The following PHLDA3 variants were observed in gnomAD, a reference collection of about 807,000 sequenced individuals.
PHLDA3 encodes the protein pleckstrin homology-like domain family A member 3.
PHLDA3 carries 12 observed loss-of-function variants against 7.6 expected under a neutral mutation model. The observed-to-expected ratio is 1.58, with a 90% CI of 1.01 to 2.55. The LOEUF (loss-of-function observed/expected upper bound fraction) is 2.55. PHLDA3 is among the 30% of genes most tolerant of loss of function. PHLDA3 has a pLI of 0.00. For missense variants in PHLDA3, 177 were observed against 175.6 expected, an observed-to-expected ratio of 1.01 and a Z score of -0.05; for synonymous variants, 104 against 85.1, an observed-to-expected ratio of 1.22 and a Z score of -1.23.
Position 201,465,373 on chromosome 1 carries a change from T to A in PHLDA3, c.*868A>T, listed in dbSNP as rs1451956135. On this transcript the variant is annotated 3_prime_UTR_variant, in exon 2 of 2. Transcript: ENST00000367311. The stretch of plus-strand genomic sequence containing the variant: ...AAGGCCCTGTCTACTGGGGTTTTAG[T>A]GTCTCTGCCTATCCAGGCTGGAGAC... 1 of 152,656 alleles carries A rather than the reference T, an allele frequency of 6.6e-6. No individual in the cohort carries two copies. The highest frequency in any genetic ancestry group is 1.9e-4 in the East Asian group (1 of 5,188). The allele number at this position is 152,656 out of a possible 1,614,324, so 9.5% of individuals were successfully genotyped here.
At chr1:201,467,801 T>C (rs1663707509) in intron 1 of PHLDA3, among the ~76,000 whole-genome samples, 1 of 152,212 alleles carries the variant, frequency 6.6e-6, no homozygotes, top group Non-Finnish European at 1.5e-5. Flanking sequence ...TTTGCAACCC[T>C]TGATGGTGCC....
chr1:201,464,745 G>T lies in PHLDA3; in HGVS notation c.*1496C>A. The T allele has an allele frequency of 6.6e-6, 1 of 152,356 alleles. No individual in the cohort carries two copies. The allele number at this position is 152,356 out of a possible 1,614,324, so 9.4% of individuals were successfully genotyped here. On this transcript the variant is annotated 3_prime_UTR_variant, in exon 2 of 2. Transcript: ENST00000367311. The stretch of plus-strand genomic sequence containing the variant: ...GCTGGCCACAGCCTGGAAAGGTCCA[G>T]GGTTACCCAATCAAGTTTCTGTACA...
chr1:201,468,235 CCCT>C (rs1241056359), intron 1 of PHLDA3, 103 bp downstream of exon 1: 1 of 845,064 alleles, frequency 1.2e-6, no homozygotes, highest in African/African-American at 1.7e-5. Context: ...GGAACCTCCC[CCCT>C]AAGATGTCCG....
rs971218138 is a variant in PHLDA3, at chr1:201,466,166, G to A, written c.*75C>T. ...CACAGCCGTGCCCCCACAAGCCAGAGGGAACAACGAAGCTGGCAAGAAAGA... is the reference window on the plus strand; with the variant it reads ...CACAGCCGTGCCCCCACAAGCCAGAAGGAACAACGAAGCTGGCAAGAAAGA... On this transcript the variant is annotated 3_prime_UTR_variant, in exon 2 of 2. Transcript: ENST00000367311. 1.9e-5 allele frequency: 3 copies of A among 154,438 alleles called. No homozygotes were observed. Among genetic ancestry groups the A allele is most frequent in the African/African-American group, 7.2e-5 (3 of 41,522 alleles). The allele number at this position is 154,438 out of a possible 1,614,324, so 9.6% of individuals were successfully genotyped here. A position where few individuals can be genotyped will look rare whatever the true frequency, so the allele number is the denominator to read the frequency against.
At position 201,468,671 on chromosome 1, in the gene PHLDA3, T is replaced by C; in HGVS notation, c.116A>G (p.Gln39Arg). Residue 39 changes from glutamine (Q) to arginine (R), a missense_variant, in exon 1 of 2, where the codon CAG becomes CGG. Coordinates refer to ENST00000367311, the MANE Select transcript of PHLDA3 (RefSeq NM_012396.5). ...GCCCGTGCCCTTGGCCTCGAAGAGC[T>C]GCAGCCCGCGTTCGGTGAGGACGCA... ...KRCVLTERGL[Q>R]LFEAKGTGGR... 3 of 1,612,448 alleles carry C rather than the reference T, an allele frequency of 1.9e-6. No homozygotes were observed. Among genetic ancestry groups the C allele is most frequent in the Non-Finnish European group, 2.5e-6 (3 of 1,179,786 alleles).
intron 1 of PHLDA3, among the ~76,000 whole-genome samples, chr1:201,467,887 G>T (rs781257653): frequency 6.6e-6 from 1 of 152,210 alleles, no homozygotes; most frequent in Non-Finnish European, 1.5e-5. Flanking sequence ...AACCTAGAGG[G>T]AAAGAGGGTC....
At chr1:201,467,221 C>T (rs920237724) in intron 1 of PHLDA3, among the ~76,000 whole-genome samples, 3 of 151,884 alleles carry the variant, frequency 2.0e-5, no homozygotes, top group African/African-American at 4.8e-5. Flanking sequence ...GTGGGAGGAT[C>T]GCTTGAGCCC....
In PHLDA3 at chr1:201,469,139, G is replaced by T. The variant is rs1186526888; in HGVS notation, c.-353C>A. 5 of 234,732 alleles carry T rather than the reference G, an allele frequency of 2.1e-5. No individual in the cohort carries two copies. In the Admixed American group the frequency reaches 2.3e-4, roughly 11 times the overall value. 14.5% of individuals were successfully genotyped at this position (234,732 alleles called of 1,614,324 possible). On this transcript the variant is annotated 5_prime_UTR_variant, in exon 1 of 2. Transcript: ENST00000367311. Reference sequence around the variant, plus strand: ...TTGCTCCCCTGGGCTCTGTCTGCGCGCTGGGCGGCAGCTCGCGGGATGTGC... The same window carrying T: ...TTGCTCCCCTGGGCTCTGTCTGCGCTCTGGGCGGCAGCTCGCGGGATGTGC...
In PHLDA3 at chr1:201,468,585, C is replaced by A; in HGVS notation, c.202G>T (p.Gly68Trp). The A allele has an allele frequency of 1.2e-6, 2 of 1,613,908 alleles. No homozygotes were observed. The highest frequency in any genetic ancestry group is 1.7e-6 in the Non-Finnish European group (2 of 1,180,022). ...IKAVECVESTGRHIYFTLVTE... is the reference protein window; with the variant it reads ...IKAVECVESTWRHIYFTLVTE... The stretch of plus-strand genomic sequence containing the variant: ...ACCAGCGTGAAGTAGATGTGGCGCC[C>A]GGTGCTCTCCACGCACTCCACGGCC... The change falls in exon 1 of 2, where the codon GGG (glycine) becomes TGG (tryptophan). Residue 68 changes from glycine (G) to tryptophan (W), a missense_variant. Transcript: ENST00000367311.
rs114542426 is a variant in PHLDA3, at chr1:201,467,973, C to T, written c.*62+368G>A. On this transcript the variant is annotated intron_variant, in intron 1 of 1. Transcript: ENST00000367311. ...GCCGAAGTCCAGGAGCCCTGCTCTGCGTGGAAAGCAGAGGCCCACAGCCTG... is the reference window on the plus strand; with the variant it reads ...GCCGAAGTCCAGGAGCCCTGCTCTGTGTGGAAAGCAGAGGCCCACAGCCTG... Among the ~76,000 whole-genome samples the T allele has an allele frequency of 4.6e-3, 701 of 152,362 alleles. 4 individuals carry two copies. Among genetic ancestry groups the T allele is most frequent in the Non-Finnish European group, 7.8e-3 (534 of 68,038 alleles).
intron 1 of PHLDA3, chr1:201,467,525 T>C: frequency 6.6e-6 from 1 of 152,304 alleles, no homozygotes; most frequent in Non-Finnish European, 1.5e-5. Flanking sequence ...GCAGGAGATT[T>C]GCTTGAGCCC....
chr1:201,468,856 A>G lies in PHLDA3; in HGVS notation c.-70T>C. ...GGCGCCCCTCTCGGCCCCGCAGCGC[A>G]GGATTCTGGCGCCCCGGGCTGGCAG... On this transcript the variant is annotated 5_prime_UTR_variant, in exon 1 of 2. Coordinates refer to ENST00000367311, the MANE Select transcript of PHLDA3 (RefSeq NM_012396.5). 1 of 1,400,492 alleles carries G rather than the reference A, an allele frequency of 7.1e-7. No homozygotes were observed. Among genetic ancestry groups the G allele is most frequent in the Non-Finnish European group, 9.2e-7 (1 of 1,087,396 alleles). The allele number at this position is 1,400,492 out of a possible 1,614,324, so 86.8% of individuals were successfully genotyped here.
chr1:201,466,545 G>A (rs1663670288), intron 1 of PHLDA3: 1 of 152,164 alleles, frequency 6.6e-6, no homozygotes, highest in Non-Finnish European at 1.5e-5. Flanking sequence ...CGCCTAGGAG[G>A]TGGTAGTGGG....
chr1:201,468,877 G>C lies in PHLDA3; in HGVS notation c.-91C>G. ...GCGCAGGATTCTGGCGCCCCGGGCT[G>C]GCAGGCCGTGCGCGCTGCCCACCTG... On this transcript the variant is annotated 5_prime_UTR_variant, in exon 1 of 2. Coordinates refer to ENST00000367311, the MANE Select transcript of PHLDA3 (RefSeq NM_012396.5). The C allele has an allele frequency of 1.5e-6, 2 of 1,334,012 alleles. No homozygotes were observed. The highest frequency in any genetic ancestry group is 3.4e-5 in the South Asian group (2 of 58,092). 82.6% of individuals were successfully genotyped at this position (1,334,012 alleles called of 1,614,324 possible). A position where few individuals can be genotyped will look rare whatever the true frequency, so the allele number is the denominator to read the frequency against.
rs114542426 is a variant in PHLDA3 at position 201,467,973 on chromosome 1, C to A, written c.*62+368G>T. Among the ~76,000 whole-genome samples the A allele has an allele frequency of 2.0e-5, 3 of 152,244 alleles. No individual in the cohort carries two copies. The East Asian group carries it at 5.8e-4, about 29-fold the overall frequency. On this transcript the variant is annotated intron_variant, in intron 1 of 1. Coordinates refer to ENST00000367311, the MANE Select transcript of PHLDA3 (RefSeq NM_012396.5). ...GCCGAAGTCCAGGAGCCCTGCTCTG[C>A]GTGGAAAGCAGAGGCCCACAGCCTG... is the stretch of plus-strand genomic sequence containing the variant.
In PHLDA3 at chr1:201,468,508, G is replaced by T. The variant is rs1325535937; in HGVS notation, c.279C>A (p.Gly93=). Residue 93 remains glycine, a synonymous_variant, in exon 1 of 2, where the codon GGC becomes GGA. Transcript: ENST00000367311. The part of the protein sequence containing the change: ...IDFRCPLEDP[G]WNAQITLGLV... ...GGCCTAGGGTGATCTGGGCGTTCCA[G>T]CCGGGATCTTCCAGGGGGCAGCGGA... 6.2e-7 allele frequency: 1 copy of T among 1,614,084 alleles called. No individual in the cohort carries two copies. Among genetic ancestry groups the T allele is most frequent in the Non-Finnish European group, 8.5e-7 (1 of 1,180,044 alleles).
chr1:201,468,163 G>C (rs1338925453), intron 1 of PHLDA3, among the ~76,000 whole-genome samples, 178 bp downstream of exon 1: 1 of 152,256 alleles, frequency 6.6e-6, no homozygotes, highest in Non-Finnish European at 1.5e-5. Context: ...TGCCTCAGGG[G>C]AAAGTCCGGA....
chr1:201,468,451 C>T lies in PHLDA3; in HGVS notation c.336G>A (p.Gln112=), dbSNP rs768232818. 1.2e-6 allele frequency: 2 copies of T among 1,614,194 alleles called. No homozygotes were observed. Among genetic ancestry groups the T allele is most frequent in the Admixed American group, 3.3e-5 (2 of 60,026 alleles). Residue 112 remains glutamine, a synonymous_variant, in exon 1 of 2, where the codon CAG becomes CAA. Coordinates refer to ENST00000367311, the MANE Select transcript of PHLDA3 (RefSeq NM_012396.5). The part of the protein sequence containing the change: ...LVKFKNQQAI[Q]TVRARQSLGT... The stretch of plus-strand genomic sequence containing the variant: ...CGAGGCTCTGCCGGGCCCGCACTGT[C>T]TGGATGGCCTGCTGGTTCTTGAACT...
rs1256044263 is a variant in PHLDA3 at position 201,464,922 on chromosome 1, C to T, written c.*1319G>A. ...CTGCCTCCCAGGTTCAAGCAATTCT[C>T]CTGCCTCAGCCTCCCCCAGTAGCTG... On this transcript the variant is annotated 3_prime_UTR_variant, in exon 2 of 2. Coordinates refer to ENST00000367311, the MANE Select transcript of PHLDA3 (RefSeq NM_012396.5). 7.2e-5 allele frequency: 11 copies of T among 152,286 alleles called. No homozygotes were observed. The highest frequency in any genetic ancestry group is 2.7e-4 in the African/African-American group (11 of 41,456). 9.4% of individuals were successfully genotyped at this position (152,286 alleles called of 1,614,324 possible). A position where few individuals can be genotyped will look rare whatever the true frequency, so the allele number is the denominator to read the frequency against.
Sources: allele counts gnomAD v4.1 joint callset (sites outside exome capture counted in the v4.1 genomes callset), GRCh38; gene constraint gnomAD v4.1.1; transcripts MANE v1.5; gene names NCBI Gene and HGNC (gene_info 2026-07-23, HGNC 2026-07-21).